Variants in MAST4 observed in about 807,000 individuals in gnomAD.
The protein encoded by MAST4 is microtubule associated serine/threonine kinase family member 4, also known as microtubule-associated serine/threonine-protein kinase 4.
A neutral mutation model predicts 162.7 loss-of-function variants in MAST4; 89 were observed. The observed-to-expected ratio is 0.55, with a 90% CI of 0.46 to 0.65. The LOEUF (loss-of-function observed/expected upper bound fraction) is 0.65, where lower values mean the gene tolerates loss of function less well. MAST4 is among the 30% of genes least tolerant of loss of function. The probability of loss-of-function intolerance (pLI) is 0.00; values close to 1 mark genes in which losing one functional copy is unlikely to be tolerated. For missense variants in MAST4, 3,153 were observed against 3,374.0 expected (o/e 0.93, Z 1.62); for synonymous variants, 1,479 against 1,361.1 (o/e 1.09, Z -1.91).
intron 4 of MAST4, among the ~76,000 whole-genome samples, chr5:67,029,863 A>T (rs959128385): frequency 6.6e-5 from 10 of 152,130 alleles, no homozygotes; most frequent in Admixed American, 1.3e-4. Context: ...AACATTATTG[A>T]AATTGCTGTG....
rs77605981 is a variant in MAST4 at position 66,678,015 on chromosome 5, C to T, written c.363+80997C>T. 6.7e-3 allele frequency among the ~76,000 whole-genome samples: 1,026 copies of T among 152,206 alleles called. 10 individuals carry two copies. The highest frequency in any genetic ancestry group is 0.023 in the African/African-American group (966 of 41,508). On this transcript the variant is annotated intron_variant, in intron 1 of 28. Transcript: ENST00000403625. ...TCAGGAAGAGTTTGAGAATCTTCTT[C>T]TATAGGAATTGGAAGCATTGAAGAA... is the stretch of plus-strand genomic sequence containing the variant.
At position 67,165,180 on chromosome 5, in the gene MAST4, T is replaced by C. The variant is rs1581787272; in HGVS notation, c.6001T>C (p.Cys2001Arg). Residue 2001 changes from cysteine (C) to arginine (R), a missense_variant, in exon 29 of 29, where the codon TGC becomes CGC. Cys to Arg is a radical substitution (Grantham distance 180). Transcript: ENST00000403625. ...DTCREPSMEL[C>R]FPETAKTSDN... ...ATGCAGAGAGCCCTCCATGGAACTG[T>C]GCTTTCCAGAAACTGCGAAAACCAG... is the stretch of plus-strand genomic sequence containing the variant. 1 of 1,605,876 alleles carries C rather than the reference T, an allele frequency of 6.2e-7. No homozygotes were observed. Among genetic ancestry groups the C allele is most frequent in the Non-Finnish European group, 8.5e-7 (1 of 1,176,112 alleles).
At chr5:66,866,074 CA>C (rs57347322) in intron 3 of MAST4, among the ~76,000 whole-genome samples, 269 of 115,712 alleles carry the variant, frequency 2.3e-3, no homozygotes, top group Middle Eastern at 0.022. Flanking sequence ...ATCTCCATCT[CA>C]AAAAAAAAAA....
At chr5:67,002,056 G>A (rs546797508) in intron 4 of MAST4, 2 of 152,118 alleles carry the variant, frequency 1.3e-5, no homozygotes, top group East Asian at 3.9e-4. Flanking sequence ...ATACCTACAA[G>A]TGAGCACAAA....
intron 4 of MAST4, chr5:66,986,430 C>G: frequency 6.5e-7 from 1 of 1,541,286 alleles, no homozygotes; most frequent in Non-Finnish European, 8.8e-7. Flanking sequence ...GTCTTTTTCT[C>G]TGTTTATTTT....
intron 4 of MAST4, among the ~76,000 whole-genome samples, chr5:66,923,633 A>G (rs924789156): frequency 1.3e-5 from 2 of 152,108 alleles, no homozygotes; most frequent in Non-Finnish European, 2.9e-5. Context: ...ATTGTCTTAT[A>G]CCTAAGGGTA....
chr5:66,770,432 G>A (rs114758325), intron 2 of MAST4, among the ~76,000 whole-genome samples: 223 of 152,258 alleles, frequency 1.5e-3, no homozygotes, highest in Non-Finnish European at 2.5e-3. Context: ...GCCTTCTGCC[G>A]GAGCTCATCT....
intron 4 of MAST4, among the ~76,000 whole-genome samples, chr5:66,960,005 G>C (rs867145761): frequency 3.3e-5 from 5 of 152,190 alleles, no homozygotes; most frequent in Admixed American, 2.0e-4. Context: ...AAATCTGTTA[G>C]TCAAAGATGC....
At chr5:66,915,422 T>A (rs1191760734) in intron 4 of MAST4, among the ~76,000 whole-genome samples, 1 of 152,162 alleles carries the variant, frequency 6.6e-6, no homozygotes, top group Non-Finnish European at 1.5e-5. Flanking sequence ...GACTCCTCTT[T>A]GGGGATGTTT....
chr5:67,100,372 T>C, intron 7 of MAST4, 63 bp from the exon 8 acceptor site: 1 of 1,551,284 alleles, frequency 6.4e-7, no homozygotes, highest in East Asian at 2.2e-5. Flanking sequence ...CATCGATCTC[T>C]CCTGTTCATT....
chr5:66,882,067 T>A (rs1034066391), intron 3 of MAST4, among the ~76,000 whole-genome samples: 3 of 152,216 alleles, frequency 2.0e-5, no homozygotes, highest in African/African-American at 7.2e-5. Context: ...TCTTGATAAC[T>A]CTGTTGCCTG....
chr5:66,676,265 G>A (rs887387854), intron 1 of MAST4, among the ~76,000 whole-genome samples: 3 of 152,170 alleles, frequency 2.0e-5, no homozygotes, highest in African/African-American at 7.2e-5. Flanking sequence ...ACCAGTGGAT[G>A]TCAGTTGCAA....
At chr5:67,139,643 C>G (rs980039546) in intron 19 of MAST4, among the ~76,000 whole-genome samples, 2 of 152,208 alleles carry the variant, frequency 1.3e-5, no homozygotes, top group Non-Finnish European at 2.9e-5. Context: ...AGTTCATTTA[C>G]TAAGTATCTA....
At position 67,166,735 on chromosome 5, in the gene MAST4, ACTCC is replaced by A; in HGVS notation, c.7559_7562del (p.Ser2520CysfsTer33). 1.3e-6 allele frequency: 2 copies of A among 1,589,744 alleles called. No individual in the cohort carries two copies. The highest frequency in any genetic ancestry group is 2.3e-5 in the South Asian group (2 of 87,364). On this transcript the variant is annotated frameshift_variant, in exon 29 of 29. Transcript: ENST00000403625. LOFTEE classifies it low-confidence loss of function (END_TRUNC). ...GGCCGAACCCACATGACAAAGAGTG[ACTCC>A]CTGCCCTCCTTCCGGGTCTCCACCC...
intron 9 of MAST4, 70 bp from the exon 10 acceptor site, chr5:67,104,296 G>A: frequency 5.0e-6 from 6 of 1,201,640 alleles, no homozygotes; most frequent in Non-Finnish European, 7.4e-6. Flanking sequence ...CTGTAAAAAT[G>A]TGATGATTGA....
chr5:66,965,719 A>G (rs2150177740), intron 4 of MAST4, among the ~76,000 whole-genome samples: 1 of 152,174 alleles, frequency 6.6e-6, no homozygotes, highest in Non-Finnish European at 1.5e-5. Flanking sequence ...AAAGTTTGGA[A>G]CTGTATAGAG....
chr5:67,054,063 A>G (rs564456934), intron 4 of MAST4, among the ~76,000 whole-genome samples: 3 of 152,340 alleles, frequency 2.0e-5, no homozygotes, highest in South Asian at 4.1e-4. Flanking sequence ...TTTTGTGTCA[A>G]CAAAGATGCT....
intron 23 of MAST4, among the ~76,000 whole-genome samples, chr5:67,147,952 G>A (rs1771307633): frequency 6.6e-6 from 1 of 152,218 alleles, no homozygotes; most frequent in Non-Finnish European, 1.5e-5. Flanking sequence ...TATGACTAAA[G>A]CTGCTGTCCA....
chr5:67,075,180 G>A (rs1011623438), intron 5 of MAST4, among the ~76,000 whole-genome samples: 18 of 88,372 alleles, frequency 2.0e-4, no homozygotes, highest in African/African-American at 3.8e-4. Flanking sequence ...TTTTTTTTTC[G>A]TTCCTTTTTA....
Sources: allele counts gnomAD v4.1 joint callset (sites outside exome capture counted in the v4.1 genomes callset), GRCh38; gene constraint gnomAD v4.1.1; transcripts MANE v1.5; gene names NCBI Gene and HGNC (gene_info 2026-07-23, HGNC 2026-07-21).